The following PPP1R2 variants were observed in gnomAD, a reference collection of about 807,000 sequenced individuals.
The protein encoded by PPP1R2 is protein phosphatase inhibitor 2.
A neutral mutation model predicts 29.9 loss-of-function variants in PPP1R2; 16 were observed. The ratio of observed to expected loss-of-function variants is 0.53; its 90% CI spans 0.36 to 0.81. PPP1R2 has a LOEUF of 0.81. Among genes scored for constraint, PPP1R2 ranks in the 30% least tolerant of loss-of-function variants. The probability of loss-of-function intolerance (pLI) is 0.00; values close to 1 mark genes in which losing one functional copy is unlikely to be tolerated. For synonymous variants in PPP1R2, 76 were observed against 91.5 expected, an observed-to-expected ratio of 0.83 and a Z score of 0.96; for missense variants, 197 against 252.7, an observed-to-expected ratio of 0.78 and a Z score of 1.49.
At chr3:195,529,160 G>A (rs919836982) in intron 2 of PPP1R2, 7 of 152,068 alleles carry the variant, frequency 4.6e-5, no homozygotes, top group African/African-American at 1.2e-4. Context: ...GTGAGCCACA[G>A]TGCTCGGCCC....
chr3:195,532,025 T>C (rs1719198384), intron 1 of PPP1R2, among the ~76,000 whole-genome samples: 1 of 152,250 alleles, frequency 6.6e-6, no homozygotes, highest in East Asian at 1.9e-4. Flanking sequence ...TATTGTAGCA[T>C]GTGTCAGAAT....
intron 1 of PPP1R2, 76 bp from the exon 2 acceptor site, chr3:195,529,977 A>G: frequency 9.7e-7 from 1 of 1,029,142 alleles, no homozygotes; most frequent in South Asian, 1.5e-5. Flanking sequence ...ACAAATGTCC[A>G]AATTTAACAT....
intron 1 of PPP1R2, among the ~76,000 whole-genome samples, chr3:195,534,413 A>G (rs1719296680): frequency 6.6e-6 from 1 of 152,202 alleles, no homozygotes; most frequent in Non-Finnish European, 1.5e-5. Flanking sequence ...TTCTGGGGAA[A>G]AAAATGCCAC....
intron 1 of PPP1R2, among the ~76,000 whole-genome samples, chr3:195,540,107 T>A (rs985604730): frequency 6.6e-6 from 1 of 152,154 alleles, no homozygotes. Flanking sequence ...TCTTTGCAAG[T>A]TTACCTACTT....
chr3:195,531,276 T>C lies in PPP1R2; in HGVS notation c.123-1375A>G, dbSNP rs757972998. On this transcript the variant is annotated intron_variant, in intron 1 of 5. Transcript: ENST00000618156. ...TTTCTACAAGCCAACATTATTTTGTTACATATAGTTTGTTACTTAGTATGT... is the reference window on the plus strand; with the variant it reads ...TTTCTACAAGCCAACATTATTTTGTCACATATAGTTTGTTACTTAGTATGT... Among the ~76,000 whole-genome samples, 4 of 152,360 alleles carry C rather than the reference T, an allele frequency of 2.6e-5. No homozygotes were observed. In the East Asian group the frequency reaches 5.8e-4, roughly 22 times the overall value.
intron 5 of PPP1R2, among the ~76,000 whole-genome samples, chr3:195,518,233 TA>T (rs1281288836): frequency 6.0e-5 from 9 of 149,120 alleles, no homozygotes; most frequent in East Asian, 2.0e-4. Flanking sequence ...GTCTAAGACT[TA>T]AAAAAAAAAT....
At chr3:195,540,004 T>A (rs1218074092) in intron 1 of PPP1R2, among the ~76,000 whole-genome samples, 1 of 152,204 alleles carries the variant, frequency 6.6e-6, no homozygotes. Flanking sequence ...CTCTCACAAC[T>A]GGGGGATGGG....
At chr3:195,542,383 A>C (rs1318839037) in intron 1 of PPP1R2, among the ~76,000 whole-genome samples, 3 of 152,228 alleles carry the variant, frequency 2.0e-5, no homozygotes, top group Admixed American at 6.5e-5. Context: ...GCTTAGATCT[A>C]TCTCTGAACA....
chr3:195,516,824 GAAC>G lies in PPP1R2; in HGVS notation c.*69_*71del. 1 of 1,343,538 alleles carries G rather than the reference GAAC, an allele frequency of 7.4e-7. No individual in the cohort carries two copies. The highest frequency in any genetic ancestry group is 1.1e-6 in the Non-Finnish European group (1 of 942,868). 83.2% of individuals were successfully genotyped at this position (1,343,538 alleles called of 1,614,324 possible). A position where few individuals can be genotyped will look rare whatever the true frequency, so the allele number is the denominator to read the frequency against. Reference sequence around the variant, plus strand: ...TGGTACTTAAGTCATGAATTGTGAAGAACAAGAAGCAACGTACTATAGTCACAG... The same window carrying G: ...TGGTACTTAAGTCATGAATTGTGAAGAAGAAGCAACGTACTATAGTCACAG... On this transcript the variant is annotated 3_prime_UTR_variant, in exon 6 of 6. Transcript: ENST00000618156.
intron 2 of PPP1R2, among the ~76,000 whole-genome samples, chr3:195,525,452 G>A (rs1409980354): frequency 2.0e-5 from 3 of 151,972 alleles, no homozygotes; most frequent in Non-Finnish European, 4.4e-5. Flanking sequence ...AGGAATAACT[G>A]TACTGAAAAC....
At chr3:195,537,664 A>T (rs1719447179) in intron 1 of PPP1R2, among the ~76,000 whole-genome samples, 1 of 151,566 alleles carries the variant, frequency 6.6e-6, no homozygotes, top group Non-Finnish European at 1.5e-5. Flanking sequence ...ACCACATTTT[A>T]TATAACTTCA....
chr3:195,539,037 C>T (rs1719493955), intron 1 of PPP1R2, among the ~76,000 whole-genome samples: 1 of 152,210 alleles, frequency 6.6e-6, no homozygotes, highest in Non-Finnish European at 1.5e-5. Context: ...TCCCAAAACA[C>T]ATTTTTTACA....
At chr3:195,523,068 T>C (rs943886060) in intron 4 of PPP1R2, 1 of 152,606 alleles carries the variant, frequency 6.6e-6, no homozygotes, top group African/African-American at 2.4e-5. Context: ...ATACTCCTTT[T>C]CTCCCAGCCT....
intron 4 of PPP1R2, among the ~76,000 whole-genome samples, chr3:195,521,602 T>C (rs1718765850): frequency 6.6e-6 from 1 of 152,144 alleles, no homozygotes; most frequent in Non-Finnish European, 1.5e-5. Flanking sequence ...TCTATTATTT[T>C]CTCAGTATGA....
intron 4 of PPP1R2, 34 bp from the exon 5 acceptor site, chr3:195,519,219 G>A (rs752162689): frequency 1.3e-6 from 2 of 1,491,640 alleles, no homozygotes; most frequent in Non-Finnish European, 1.8e-6. Flanking sequence ...TAGGAAGTTT[G>A]AGCTCAAGGA....
At position 195,538,202 on chromosome 3, in the gene PPP1R2, G is replaced by GA. The variant is rs1719464195; in HGVS notation, c.122+4701dup. Among the ~76,000 whole-genome samples, 4 of 152,224 alleles carry GA rather than the reference G, an allele frequency of 2.6e-5. No individual in the cohort carries two copies. In the South Asian group the frequency reaches 8.3e-4, roughly 32 times the overall value. On this transcript the variant is annotated intron_variant, in intron 1 of 5. Coordinates refer to ENST00000618156, the MANE Select transcript of PPP1R2 (RefSeq NM_006241.8). ...TTTCCTACAGCCTAAATCTGGTGCTGAAAACGTCACCGCTTCTCACTTTTA... is the reference window on the plus strand; with the variant it reads ...TTTCCTACAGCCTAAATCTGGTGCTGAAAAACGTCACCGCTTCTCACTTTTA...
chr3:195,525,255 C>T (rs1343680161), intron 2 of PPP1R2, among the ~76,000 whole-genome samples: 1 of 152,110 alleles, frequency 6.6e-6, no homozygotes, highest in African/African-American at 2.4e-5. Flanking sequence ...CTAAATGATA[C>T]AGTGTGTAAC....
At position 195,530,712 on chromosome 3, in the gene PPP1R2, G is replaced by A. The variant is rs181840762; in HGVS notation, c.123-811C>T. Among the ~76,000 whole-genome samples, 4 of 152,258 alleles carry A rather than the reference G, an allele frequency of 2.6e-5. No individual in the cohort carries two copies. In the East Asian group the frequency reaches 7.7e-4, roughly 29 times the overall value. ...AGCTAATTTTTGTATTTTTAGGAGAGACAGGGTTTCACCATGTTGGCCAGG... is the reference window on the plus strand; with the variant it reads ...AGCTAATTTTTGTATTTTTAGGAGAAACAGGGTTTCACCATGTTGGCCAGG... On this transcript the variant is annotated intron_variant, in intron 1 of 5. Transcript: ENST00000618156.
At chr3:195,525,289 T>G (rs962005416) in intron 2 of PPP1R2, among the ~76,000 whole-genome samples, 2 of 151,884 alleles carry the variant, frequency 1.3e-5, no homozygotes, top group Non-Finnish European at 2.9e-5. Flanking sequence ...GTATTTACAT[T>G]TTATTAGGTA....
Sources: allele counts gnomAD v4.1 joint callset (sites outside exome capture counted in the v4.1 genomes callset), GRCh38; gene constraint gnomAD v4.1.1; transcripts MANE v1.5; gene names NCBI Gene and HGNC (gene_info 2026-07-23, HGNC 2026-07-21).